PRDM10: variants seen among roughly 807,000 people sequenced by gnomAD.
PRDM10 encodes the protein PR domain zinc finger protein 10.
A neutral mutation model predicts 133.1 loss-of-function variants in PRDM10; 65 were observed. That is an observed-to-expected ratio of 0.49 (90% confidence interval 0.40 to 0.60). The LOEUF (loss-of-function observed/expected upper bound fraction) is 0.60. Ranked by LOEUF, PRDM10 falls within the 20% of genes least tolerant of loss-of-function variation. The pLI is 0.00. For missense variants in PRDM10, 1,137 were observed against 1,507.1 expected (o/e 0.75, Z 4.07); for synonymous variants, 582 against 580.4 (o/e 1.00, Z -0.04).
intron 17 of PRDM10, 50 bp from the exon 18 acceptor site, chr11:129,912,275 T>G: frequency 7.1e-7 from 1 of 1,406,046 alleles, no homozygotes; most frequent in Non-Finnish European, 9.6e-7. Context: ...TTGATTGAAG[T>G]TAAGGGAAAT....
intron 1 of PRDM10, among the ~76,000 whole-genome samples, chr11:129,985,780 C>CAAAA (rs1159728991): frequency 4.5e-4 from 12 of 26,752 alleles, no homozygotes; most frequent in African/African-American, 5.6e-4. Context: ...AAACCCTGTC[C>CAAAA]AAAAAAAAAA....
intron 1 of PRDM10, among the ~76,000 whole-genome samples, chr11:129,985,353 A>C (rs1565511687): frequency 6.6e-6 from 1 of 152,216 alleles, no homozygotes; most frequent in Non-Finnish European, 1.5e-5. Flanking sequence ...TGAAAAGAAC[A>C]AACAACACTA....
At chr11:129,906,788 G>T (rs1950028778) in intron 19 of PRDM10, among the ~76,000 whole-genome samples, 1 of 152,088 alleles carries the variant, frequency 6.6e-6, no homozygotes, top group Admixed American at 6.6e-5. Context: ...GATCAGCCTG[G>T]CCAACATGGT....
intron 1 of PRDM10, among the ~76,000 whole-genome samples, chr11:129,976,019 A>C (rs1054911001): frequency 6.6e-6 from 1 of 151,902 alleles, no homozygotes; most frequent in Non-Finnish European, 1.5e-5. Context: ...TGGTATCTCC[A>C]AGGTTTCTCA....
In PRDM10 at chr11:129,906,855, G is replaced by A. The variant is rs555090857; in HGVS notation, c.3164-1114C>T. Among the ~76,000 whole-genome samples the A allele has an allele frequency of 2.6e-5, 4 of 152,218 alleles. No individual in the cohort carries two copies. The South Asian group carries it at 8.3e-4, about 32-fold the overall frequency. On this transcript the variant is annotated intron_variant, in intron 19 of 20. Coordinates refer to ENST00000360871, the MANE Select transcript of PRDM10 (RefSeq NM_199437.2). ...TAGCCAGGCATGGTGGCGGGTGCCT[G>A]TAGTCCCAGCTACTCAGGAGTCTGA...
intron 11 of PRDM10, among the ~76,000 whole-genome samples, chr11:129,925,834 G>T (rs1565466523): frequency 6.6e-6 from 1 of 152,190 alleles, no homozygotes; most frequent in Non-Finnish European, 1.5e-5. Context: ...TCTTTTGGGG[G>T]TGATGAAAGT....
At chr11:129,910,778 AT>A (rs550056556) in intron 18 of PRDM10, 122 bp from the exon 19 acceptor site, 1,395 of 902,328 alleles carry the variant, frequency 1.5e-3, no homozygotes, top group South Asian at 2.4e-3. Context: ...TATCGTTGCT[AT>A]TTTTTTTTTC....
chr11:129,931,623 A>G (rs1039827825), intron 10 of PRDM10, among the ~76,000 whole-genome samples: 2 of 148,810 alleles, frequency 1.3e-5, no homozygotes, highest in African/African-American at 5.0e-5. Context: ...GCTGGAGTGC[A>G]GTGGCGCGAT....
At chr11:129,963,214 CA>C (rs1181254128) in intron 1 of PRDM10, among the ~76,000 whole-genome samples, 2 of 150,574 alleles carry the variant, frequency 1.3e-5, no homozygotes, top group African/African-American at 4.9e-5. Context: ...AAGAAAACTA[CA>C]AAATTGTACA....
intron 1 of PRDM10, among the ~76,000 whole-genome samples, chr11:129,991,897 CAG>C (rs1270750696): frequency 1.3e-5 from 2 of 150,348 alleles, no homozygotes; most frequent in East Asian, 3.9e-4. Flanking sequence ...ACAGGAGTAT[CAG>C]AGAATCGCTT....
chr11:129,952,871 T>C (rs77961134), intron 4 of PRDM10, among the ~76,000 whole-genome samples: 2,520 of 152,240 alleles, frequency 0.017, 76 homozygotes, highest in African/African-American at 0.058. Flanking sequence ...TCCTCCCTCA[T>C]TGGGAGAAGC....
intron 1 of PRDM10, among the ~76,000 whole-genome samples, chr11:129,984,994 G>A (rs996676253): frequency 7.2e-5 from 11 of 152,114 alleles, no homozygotes; most frequent in Admixed American, 6.5e-5. Flanking sequence ...AGCATTTACC[G>A]TCAGTTAGGC....
At chr11:129,965,832 T>A (rs898947034) in intron 1 of PRDM10, among the ~76,000 whole-genome samples, 1 of 152,180 alleles carries the variant, frequency 6.6e-6, no homozygotes, top group African/African-American at 2.4e-5. Context: ...TTGTACAGTA[T>A]CTAAAGTGTG....
intron 1 of PRDM10, among the ~76,000 whole-genome samples, chr11:129,998,142 A>G (rs1264451602): frequency 2.6e-5 from 4 of 152,240 alleles, no homozygotes; most frequent in Non-Finnish European, 5.9e-5. Flanking sequence ...TTGTCATTTC[A>G]ACATTTAATC....
intron 7 of PRDM10, among the ~76,000 whole-genome samples, chr11:129,938,002 AG>A (rs752595194): frequency 6.6e-6 from 1 of 152,236 alleles, no homozygotes; most frequent in Non-Finnish European, 1.5e-5. Context: ...TGGTTTTTAC[AG>A]GGTTGTAGTC....
At position 129,947,436 on chromosome 11, in the gene PRDM10, G is replaced by C; in HGVS notation, c.295-66C>G. 2 of 1,602,544 alleles carry C rather than the reference G, an allele frequency of 1.2e-6. No individual in the cohort carries two copies. Among genetic ancestry groups the C allele is most frequent in the Non-Finnish European group, 8.5e-7 (1 of 1,171,104 alleles). On this transcript the variant is annotated intron_variant, in intron 4 of 20. Coordinates refer to ENST00000360871, the MANE Select transcript of PRDM10 (RefSeq NM_199437.2). This position sits in a 1 kb window ranked among gnomAD's most constrained non-coding sequence, Gnocchi z 4.6. ...ACCTGCTTTTGGTTCGCTGGTGCCTGCTGGCACAAACAGGGCGCAAGGGCT... is the reference window on the plus strand; with the variant it reads ...ACCTGCTTTTGGTTCGCTGGTGCCTCCTGGCACAAACAGGGCGCAAGGGCT...
chr11:130,000,475 C>T (rs34362141), intron 1 of PRDM10, among the ~76,000 whole-genome samples: 10,869 of 152,268 alleles, frequency 0.071, 841 homozygotes, highest in East Asian at 0.43. Context: ...TTTATACCTC[C>T]ATAACCTCTA....
At chr11:129,915,618 A>G (rs749099128) in intron 16 of PRDM10, 42 bp downstream of exon 16, 90 of 1,522,834 alleles carry the variant, frequency 5.9e-5, no homozygotes, top group Non-Finnish European at 7.4e-5. Context: ...GATTCCTCGC[A>G]TGGCGGTTTT....
At chr11:129,912,526 T>C (rs7927372) in intron 17 of PRDM10, among the ~76,000 whole-genome samples, 11,733 of 144,906 alleles carry the variant, frequency 0.081, 486 homozygotes, top group Middle Eastern at 0.12. Flanking sequence ...CCAAGGCGGG[T>C]GGATCACGAG....
Sources: gnomAD v4.1 joint callset for allele counts (sites outside exome capture counted in the v4.1 genomes callset) on GRCh38, gnomAD v4.1.1 for gene constraint, Gnocchi (gnomAD v3.1) non-coding constraint, MANE v1.5 for transcripts, NCBI Gene and HGNC (gene_info 2026-07-23, HGNC 2026-07-21) for gene names.